SLC13A1: variants seen among roughly 807,000 people sequenced by gnomAD.
SLC13A1 encodes solute carrier family 13 member 1, also known as Na(+)/sulfate cotransporter.
In SLC13A1, 65 loss-of-function variants were observed where a neutral mutation model predicts 70.0. The ratio of observed to expected loss-of-function variants is 0.93; its 90% CI spans 0.76 to 1.14. The LOEUF is 1.14. Among genes scored for constraint, SLC13A1 ranks in the 50% most tolerant of loss-of-function variants. SLC13A1 has a pLI of 0.00. For synonymous variants in SLC13A1, 275 were observed against 250.5 expected, an observed-to-expected ratio of 1.10 and a Z score of -0.92; for missense variants, 726 against 717.8, an observed-to-expected ratio of 1.01 and a Z score of -0.13.
At chr7:123,157,343 C>G (rs1357933073) in intron 6 of SLC13A1, among the ~76,000 whole-genome samples, 2 of 152,006 alleles carry the variant, frequency 1.3e-5, no homozygotes, top group Non-Finnish European at 2.9e-5. Flanking sequence ...AGAACTATTA[C>G]ATATTGTGAA....
chr7:123,179,606 T>C (rs1277690163), intron 2 of SLC13A1, among the ~76,000 whole-genome samples: 2 of 152,150 alleles, frequency 1.3e-5, no homozygotes, highest in African/African-American at 2.4e-5. Context: ...GACGTATATA[T>C]CCTTGGCAGC....
intron 1 of SLC13A1, among the ~76,000 whole-genome samples, chr7:123,184,135 C>T (rs774568826): frequency 6.6e-6 from 1 of 151,862 alleles, no homozygotes; most frequent in Non-Finnish European, 1.5e-5. Context: ...TTTTTTTATC[C>T]TTATTTTTTT....
intron 7 of SLC13A1, among the ~76,000 whole-genome samples, chr7:123,137,718 T>C (rs899804514): frequency 6.6e-6 from 1 of 152,200 alleles, no homozygotes; most frequent in African/African-American, 2.4e-5. Context: ...GGTAAGATCC[T>C]GAGCAGGAAC....
chr7:123,116,918 A>G (rs1563314247), intron 14 of SLC13A1, among the ~76,000 whole-genome samples: 1 of 152,282 alleles, frequency 6.6e-6, no homozygotes, highest in East Asian at 1.9e-4. Flanking sequence ...GTACTTTTGT[A>G]TTTGGCAAAA....
At position 123,128,843 on chromosome 7, in the gene SLC13A1, A is replaced by T; in HGVS notation, c.1133+2T>A. ...CTGACAAACATAACGTGCAAAGCTTACTCTGAAAAAAGTGCAGACCAACCA... is the reference window on the plus strand; with the variant it reads ...CTGACAAACATAACGTGCAAAGCTTTCTCTGAAAAAAGTGCAGACCAACCA... On this transcript the variant is annotated splice_donor_variant, in intron 10 of 14. Transcript: ENST00000194130. LOFTEE classifies it high-confidence loss of function. 3.7e-6 allele frequency: 6 copies of T among 1,601,886 alleles called. No individual in the cohort carries two copies. The highest frequency in any genetic ancestry group is 5.1e-6 in the Non-Finnish European group (6 of 1,169,520).
At chr7:123,156,717 A>G (rs1794728715) in intron 6 of SLC13A1, among the ~76,000 whole-genome samples, 1 of 152,128 alleles carries the variant, frequency 6.6e-6, no homozygotes. Context: ...CTCTGATCAC[A>G]ATAGTTGATC....
chr7:123,160,725 C>G (rs1360488831), intron 6 of SLC13A1, among the ~76,000 whole-genome samples: 1 of 152,092 alleles, frequency 6.6e-6, no homozygotes, highest in Non-Finnish European at 1.5e-5. Flanking sequence ...TTTTAGAGAA[C>G]TGTTATATAG....
rs545042928 is a variant in SLC13A1 at position 123,189,195 on chromosome 7, T to G, written c.100-8094A>C. On this transcript the variant is annotated intron_variant, in intron 1 of 14. Coordinates refer to ENST00000194130, the MANE Select transcript of SLC13A1 (RefSeq NM_022444.4). ...TTTCTAAGATTAAAATTTTTTCAAG[T>G]GTAGAGCTTTAATATTTTTGTATAG... Among the ~76,000 whole-genome samples, 139 of 151,770 alleles carry G rather than the reference T, an allele frequency of 9.2e-4. 1 individual carries two copies. Among genetic ancestry groups the G allele is most frequent in the Non-Finnish European group, 1.5e-3 (104 of 67,894 alleles).
chr7:123,189,984 A>G (rs1795944089), intron 1 of SLC13A1, among the ~76,000 whole-genome samples: 1 of 152,092 alleles, frequency 6.6e-6, no homozygotes, highest in Non-Finnish European at 1.5e-5. Context: ...CTTCTTTTCT[A>G]GTCTTTCATT....
intron 1 of SLC13A1, among the ~76,000 whole-genome samples, chr7:123,193,882 C>G (rs1796080478): frequency 6.6e-6 from 1 of 152,130 alleles, no homozygotes; most frequent in African/African-American, 2.4e-5. Context: ...CACCTACATT[C>G]TTCTTGTTCT....
rs569283587 is a variant in SLC13A1 at position 123,191,868 on chromosome 7, CA to C, written c.99+7979del. ...TTTTTAAAATTTACTACCCTGTTCC[CA>C]ACATTTAAAGCAGTACTTGGCATAG... On this transcript the variant is annotated intron_variant, in intron 1 of 14. Coordinates refer to ENST00000194130, the MANE Select transcript of SLC13A1 (RefSeq NM_022444.4). Among the ~76,000 whole-genome samples the C allele has an allele frequency of 1.6e-4, 25 of 152,198 alleles. 2 individuals are homozygous for C. In the South Asian group the frequency reaches 5.0e-3, roughly 30 times the overall value.
chr7:123,193,597 A>G (rs1466689019), intron 1 of SLC13A1, among the ~76,000 whole-genome samples: 2 of 152,212 alleles, frequency 1.3e-5, no homozygotes, highest in African/African-American at 4.8e-5. Context: ...AAGATCTGAT[A>G]TAAATATCAT....
chr7:123,136,630 C>T (rs927129485), intron 7 of SLC13A1, among the ~76,000 whole-genome samples: 1 of 152,104 alleles, frequency 6.6e-6, no homozygotes, highest in Non-Finnish European at 1.5e-5. Flanking sequence ...CAGGTGCTCT[C>T]CAAGCTACTG....
chr7:123,151,006 C>T (rs1794535192), intron 6 of SLC13A1, among the ~76,000 whole-genome samples: 1 of 151,964 alleles, frequency 6.6e-6, no homozygotes, highest in Non-Finnish European at 1.5e-5. Context: ...TCCATCTAGA[C>T]CCATGTATCC....
chr7:123,157,810 C>T (rs959108644), intron 6 of SLC13A1, among the ~76,000 whole-genome samples: 1 of 151,982 alleles, frequency 6.6e-6, no homozygotes, highest in Non-Finnish European at 1.5e-5. Context: ...TATCATGTTG[C>T]AAGGAGAGCT....
intron 6 of SLC13A1, among the ~76,000 whole-genome samples, chr7:123,151,944 G>A (rs1212707691): frequency 6.6e-6 from 1 of 152,160 alleles, no homozygotes; most frequent in Non-Finnish European, 1.5e-5. Flanking sequence ...GAAATAGTGT[G>A]TTTATAGATC....
At chr7:123,192,639 A>G (rs751595629) in intron 1 of SLC13A1, among the ~76,000 whole-genome samples, 1 of 152,130 alleles carries the variant, frequency 6.6e-6, no homozygotes, top group Non-Finnish European at 1.5e-5. Flanking sequence ...TTGATTTTCT[A>G]AAGAGAACAC....
intron 8 of SLC13A1, among the ~76,000 whole-genome samples, chr7:123,130,032 A>C (rs963078297): frequency 1.3e-5 from 2 of 152,186 alleles, no homozygotes; most frequent in Admixed American, 6.5e-5. Flanking sequence ...TCAATCCAAT[A>C]GTACCTTTGG....
chr7:123,163,785 G>A (rs937071918), intron 6 of SLC13A1, among the ~76,000 whole-genome samples: 1 of 151,950 alleles, frequency 6.6e-6, no homozygotes, highest in Non-Finnish European at 1.5e-5. Context: ...GTTGTCCATA[G>A]TGACTTCTCT....
Sources: gnomAD v4.1 joint callset for allele counts (sites outside exome capture counted in the v4.1 genomes callset) on GRCh38, gnomAD v4.1.1 for gene constraint, MANE v1.5 for transcripts, NCBI Gene and HGNC (gene_info 2026-07-23, HGNC 2026-07-21) for gene names.